HSD17B4: variants seen among roughly 807,000 people sequenced by gnomAD.
HSD17B4 encodes peroxisomal multifunctional enzyme type 2.
In HSD17B4, 70 loss-of-function variants were observed where a neutral mutation model predicts 101.0. The ratio of observed to expected loss-of-function variants is 0.69; its 90% CI spans 0.57 to 0.85. HSD17B4 has a LOEUF of 0.85. Ranked by LOEUF, HSD17B4 falls within the 40% of genes least tolerant of loss-of-function variation. The pLI, the probability that HSD17B4 is intolerant of heterozygous loss-of-function variation, is 0.00. For missense variants in HSD17B4, 984 were observed against 892.4 expected (o/e 1.10, Z -1.31); for synonymous variants, 347 against 297.1 (o/e 1.17, Z -1.73).
chr5:119,477,583 T>A, intron 7 of HSD17B4, 82 bp downstream of exon 7: 1 of 920,208 alleles, frequency 1.1e-6, no homozygotes, highest in East Asian at 2.4e-5. Flanking sequence ...TTATGTGAAG[T>A]GTTGTGAAAT....
chr5:119,473,273 CTTTTTT>C (rs11408993), intron 2 of HSD17B4, among the ~76,000 whole-genome samples: 5 of 36,966 alleles, frequency 1.4e-4, no homozygotes, highest in African/African-American at 3.2e-4. Context: ...GTGGATGAAT[CTTTTTT>C]TTTTTTTTTT....
At chr5:119,490,760 GT>G (rs1345130270) in intron 9 of HSD17B4, among the ~76,000 whole-genome samples, 2 of 152,002 alleles carry the variant, frequency 1.3e-5, no homozygotes, top group Non-Finnish European at 2.9e-5. Flanking sequence ...GTAGAGATGG[GT>G]TTCACCATGT....
At position 119,529,994 on chromosome 5, in the gene HSD17B4, A is replaced by C. The variant is rs777391562; in HGVS notation, c.1854+14A>C. 3.4e-6 allele frequency: 5 copies of C among 1,488,016 alleles called. No individual in the cohort carries two copies. The Admixed American group carries it at 8.4e-5, about 25-fold the overall frequency. 92.2% of individuals were successfully genotyped at this position (1,488,016 alleles called of 1,614,324 possible). A position where few individuals can be genotyped will look rare whatever the true frequency, so the allele number is the denominator to read the frequency against. ...ACACCCTCTGAGGTAGGTTATAAAA[A>C]TTAGTATCCAAGCCACTTCCTCATT... On this transcript the variant is annotated intron_variant, in intron 21 of 23. Transcript: ENST00000510025.
intron 2 of HSD17B4, among the ~76,000 whole-genome samples, chr5:119,461,809 T>G (rs1314170601): frequency 6.6e-6 from 1 of 151,954 alleles, no homozygotes; most frequent in Non-Finnish European, 1.5e-5. Context: ...GGTTTGAGCC[T>G]GGGAGTTTGA....
At chr5:119,529,025 T>C (rs1753834022) in intron 20 of HSD17B4, among the ~76,000 whole-genome samples, 1 of 152,166 alleles carries the variant, frequency 6.6e-6, no homozygotes, top group African/African-American at 2.4e-5. Flanking sequence ...AAGTGCATTT[T>C]GTTCATTAAT....
In HSD17B4 at chr5:119,514,989, A is replaced by T; in HGVS notation, c.1446A>T (p.Val482=). The T allele has an allele frequency of 6.5e-7, 1 of 1,547,222 alleles. No homozygotes were observed. The change falls in exon 17 of 24, where the codon GTA becomes GTT. Residue 482 remains valine, a synonymous_variant. Coordinates refer to ENST00000510025, the MANE Select transcript of HSD17B4 (RefSeq NM_000414.4). ...TAATGTCTTAATTTTAGGTAGCTGT[A>T]GCCATACCTAATAGACCTCCTGATG... ...KRTSDKVKVA[V]AIPNRPPDAV...
In HSD17B4 at chr5:119,477,496, T is replaced by C. The variant is rs751048975; in HGVS notation, c.429T>C (p.Tyr143=). 2.5e-6 allele frequency: 4 copies of C among 1,610,734 alleles called. No individual in the cohort carries two copies. The South Asian group carries it at 4.4e-5, about 18-fold the overall frequency. The change falls in exon 7 of 24, where the codon TAT becomes TAC. Residue 143 remains tyrosine (Y), a synonymous_variant. Transcript: ENST00000510025. ...AAWEHMKKQK[Y]GRIIMTSSAS... ...GGGAACACATGAAGAAACAGAAGTATGGAAGGTAGAGTTGCATGTGGTTGT... is the reference window on the plus strand; with the variant it reads ...GGGAACACATGAAGAAACAGAAGTACGGAAGGTAGAGTTGCATGTGGTTGT...
Position 119,493,881 on chromosome 5 carries a change from C to G in HSD17B4, c.803C>G (p.Ala268Gly). ...AAGAATCACCCAATGACTCCTGAGG[C>G]AGTCAAGGCTAACTGGAAGAAGATC... Reference protein sequence around the residue: ...RQKNHPMTPEAVKANWKKICD... With the variant: ...RQKNHPMTPEGVKANWKKICD... The change falls in exon 11 of 24, where the codon GCA (alanine) becomes GGA (glycine). Residue 268 changes from alanine to glycine, a missense_variant. Ala to Gly is a moderately conservative substitution (Grantham distance 60, BLOSUM62 0). Transcript: ENST00000510025. The G allele has an allele frequency of 6.2e-7, 1 of 1,612,436 alleles. No homozygotes were observed. Among genetic ancestry groups the G allele is most frequent in the East Asian group, 2.2e-5 (1 of 44,856 alleles).
At chr5:119,489,901 A>C (rs1749944066) in intron 9 of HSD17B4, among the ~76,000 whole-genome samples, 1 of 152,146 alleles carries the variant, frequency 6.6e-6, no homozygotes, top group Non-Finnish European at 1.5e-5. Flanking sequence ...CCCATCATGC[A>C]GTGAGATCCA....
At chr5:119,507,960 G>T (rs1580648881) in intron 15 of HSD17B4, among the ~76,000 whole-genome samples, 1 of 152,134 alleles carries the variant, frequency 6.6e-6, no homozygotes, top group East Asian at 1.9e-4. Flanking sequence ...TGGAATATAA[G>T]TTTATCATTT....
intron 2 of HSD17B4, among the ~76,000 whole-genome samples, chr5:119,467,867 G>A (rs1034176958): frequency 2.0e-5 from 3 of 151,928 alleles, no homozygotes; most frequent in African/African-American, 7.3e-5. Flanking sequence ...CCTATTTTTG[G>A]TTTCTATTTG....
In HSD17B4 at chr5:119,499,498, C is replaced by G; in HGVS notation, c.1154C>G (p.Ser385Cys). ...PTFGVIIGQK[S>C]MMGGGLAEIP... is the part of the protein sequence containing the mutation. ...TTCGGAGTTATCATAGGTCAGAAAT[C>G]TATGATGGGTGGAGGATTAGCAGAA... is the stretch of plus-strand genomic sequence containing the variant. Residue 385 changes from serine (S) to cysteine (C), a missense_variant, in exon 13 of 24, where the codon TCT (serine) becomes TGT (cysteine). Transcript: ENST00000510025. 1 of 1,613,794 alleles carries G rather than the reference C, an allele frequency of 6.2e-7. No individual in the cohort carries two copies. Among genetic ancestry groups the G allele is most frequent in the Non-Finnish European group, 8.5e-7 (1 of 1,179,768 alleles).
chr5:119,458,110 A>G (rs1486221274), intron 2 of HSD17B4, among the ~76,000 whole-genome samples: 1 of 152,180 alleles, frequency 6.6e-6, no homozygotes, highest in Non-Finnish European at 1.5e-5. Context: ...TATAGTAGAG[A>G]TGATAATTGT....
intron 14 of HSD17B4, among the ~76,000 whole-genome samples, chr5:119,505,117 C>A (rs1369939821): frequency 6.6e-6 from 1 of 151,584 alleles, no homozygotes; most frequent in Non-Finnish European, 1.5e-5. Flanking sequence ...TTTCTTGTAC[C>A]AGTGCCATGC....
chr5:119,530,871 C>CAAAAAAAAAAAAAAAA (rs1341040897), intron 21 of HSD17B4, among the ~76,000 whole-genome samples: 1 of 93,494 alleles, frequency 1.1e-5, no homozygotes, highest in East Asian at 3.5e-4. Flanking sequence ...AAACAAAAAA[C>CAAAAAAAAAAAAAAAA]AAAAAAAACC....
At chr5:119,526,769 C>T (rs775088875) in intron 19 of HSD17B4, among the ~76,000 whole-genome samples, 1 of 151,878 alleles carries the variant, frequency 6.6e-6, no homozygotes, top group South Asian at 2.1e-4. Flanking sequence ...CCTGCATACT[C>T]ACCCCAGGCC....
At chr5:119,535,363 G>T (rs781581454) in intron 22 of HSD17B4, among the ~76,000 whole-genome samples, 10 of 151,980 alleles carry the variant, frequency 6.6e-5, no homozygotes, top group East Asian at 3.9e-4. Flanking sequence ...GAAAGAAAAA[G>T]AATTGATCAG....
chr5:119,535,073 C>T (rs958197382), intron 22 of HSD17B4, among the ~76,000 whole-genome samples: 2 of 152,024 alleles, frequency 1.3e-5, no homozygotes, highest in Admixed American at 6.6e-5. Flanking sequence ...TGTATCTCAT[C>T]TTCTTTACTA....
At chr5:119,475,165 A>G (rs1748463417) in intron 4 of HSD17B4, among the ~76,000 whole-genome samples, 1 of 152,142 alleles carries the variant, frequency 6.6e-6, no homozygotes, top group Admixed American at 6.5e-5. Context: ...AGGGATAGAA[A>G]CCACAAAAAT....
Sources: gnomAD v4.1 joint callset for allele counts (sites outside exome capture counted in the v4.1 genomes callset) on GRCh38, gnomAD v4.1.1 for gene constraint, MANE v1.5 for transcripts, NCBI Gene and HGNC (gene_info 2026-07-23, HGNC 2026-07-21) for gene names.